Variants in PAPPA2 observed in about 807,000 individuals in gnomAD.
PAPPA2 encodes pappalysin-2.
A neutral mutation model predicts 176.4 loss-of-function variants in PAPPA2; 86 were observed. The observed-to-expected ratio is 0.49, with a 90% CI of 0.41 to 0.58. The LOEUF (loss-of-function observed/expected upper bound fraction) is 0.58, where lower values mean the gene tolerates loss of function less well. PAPPA2 is among the 20% of genes least tolerant of loss of function. PAPPA2 has a pLI of 0.00. For missense variants in PAPPA2, 2,073 were observed against 2,256.9 expected (o/e 0.92, Z 1.65); for synonymous variants, 809 against 852.2 (o/e 0.95, Z 0.88).
At chr1:176,482,070 A>G (rs180703924) in intron 1 of PAPPA2, among the ~76,000 whole-genome samples, 9 of 152,316 alleles carry the variant, frequency 5.9e-5, no homozygotes, top group African/African-American at 9.6e-5. Flanking sequence ...ATACCAAAAC[A>G]AAGAGTTTTT....
chr1:176,559,739 A>G lies in PAPPA2; in HGVS notation c.919+2498A>G, dbSNP rs543557094. 3.9e-5 allele frequency among the ~76,000 whole-genome samples: 6 copies of G among 152,316 alleles called. No homozygotes were observed. In the East Asian group the frequency reaches 1.2e-3, roughly 29 times the overall value. On this transcript the variant is annotated intron_variant, in intron 2 of 22. Coordinates refer to ENST00000367662, the MANE Select transcript of PAPPA2 (RefSeq NM_020318.3). ...ATCATGTCCCTGGGAGCCACATACA[A>G]TTCAGCAATTCTGCTGTTCCACTTG...
At chr1:176,709,893 GAGA>G in intron 10 of PAPPA2, 87 bp from the exon 11 acceptor site, 1 of 1,205,398 alleles carries the variant, frequency 8.3e-7, no homozygotes, top group South Asian at 1.5e-5. Context: ...CAGTGGGCTG[GAGA>G]AGAAGTGTTG....
intron 17 of PAPPA2, among the ~76,000 whole-genome samples, chr1:176,775,098 A>G (rs1210104255): frequency 1.3e-5 from 2 of 152,122 alleles, no homozygotes; most frequent in Non-Finnish European, 2.9e-5. Flanking sequence ...GACTCCTCTC[A>G]TAGGCTGCCA....
At position 176,789,935 on chromosome 1, in the gene PAPPA2, G is replaced by A; in HGVS notation, c.4842G>A (p.Leu1614=). 3.1e-6 allele frequency: 5 copies of A among 1,614,126 alleles called. No homozygotes were observed. Among genetic ancestry groups the A allele is most frequent in the Non-Finnish European group, 4.2e-6 (5 of 1,180,004 alleles). Reference sequence around the variant, plus strand: ...ATGAATGTACCAATGGCTTCAGCCTGGACAGCCAGTGTGTGCTCAACTGTA... The same window carrying A: ...ATGAATGTACCAATGGCTTCAGCCTAGACAGCCAGTGTGTGCTCAACTGTA... The part of the protein sequence containing the change: ...GMYECTNGFS[L]DSQCVLNCNQ... The change falls in exon 18 of 23, where the codon CTG becomes CTA. Residue 1614 remains leucine, a synonymous_variant. Coordinates refer to ENST00000367662, the MANE Select transcript of PAPPA2 (RefSeq NM_020318.3).
chr1:176,614,402 T>A (rs1208038911), intron 3 of PAPPA2, among the ~76,000 whole-genome samples: 1 of 152,208 alleles, frequency 6.6e-6, no homozygotes, highest in Non-Finnish European at 1.5e-5. Context: ...TCATCCTTGC[T>A]TGAAGCCTAT....
chr1:176,691,539 G>A (rs999370043), intron 5 of PAPPA2, among the ~76,000 whole-genome samples: 1 of 152,316 alleles, frequency 6.6e-6, no homozygotes, highest in East Asian at 1.9e-4. Context: ...GCTGAGTGAG[G>A]CAGTATTTGA....
At chr1:176,809,393 T>G (rs926361819) in intron 21 of PAPPA2, among the ~76,000 whole-genome samples, 3 of 152,220 alleles carry the variant, frequency 2.0e-5, no homozygotes, top group Non-Finnish European at 4.4e-5. Context: ...TTTTACACAT[T>G]TAGTAGTTGA....
chr1:176,736,730 G>A (rs1253971537), intron 12 of PAPPA2, among the ~76,000 whole-genome samples: 3 of 150,756 alleles, frequency 2.0e-5, no homozygotes, highest in African/African-American at 7.3e-5. Context: ...TACAGCAAAA[G>A]TAGATTTTTA....
intron 21 of PAPPA2, among the ~76,000 whole-genome samples, chr1:176,815,989 T>C (rs979956625): frequency 1.3e-5 from 2 of 151,610 alleles, no homozygotes; most frequent in Non-Finnish European, 2.9e-5. Context: ...AGGAACCTTC[T>C]TGTGGACAAA....
intron 4 of PAPPA2, among the ~76,000 whole-genome samples, chr1:176,687,339 G>C (rs920965470): frequency 6.6e-6 from 1 of 152,152 alleles, no homozygotes; most frequent in East Asian, 1.9e-4. Flanking sequence ...GAGGGGATTT[G>C]CTGGGAGTGT....
In PAPPA2 at chr1:176,740,095, C is replaced by A. The variant is rs746727736; in HGVS notation, c.4050C>A (p.Val1350=). Residue 1350 remains valine (V), a synonymous_variant, in exon 14 of 23, where the codon GTC becomes GTA. Transcript: ENST00000367662. ...SVLLNFSSPR[V]GISAVALRTS... is the part of the protein sequence containing the mutation. ...TGCTGAATTTCTCATCCCCACGGGT[C>A]GGCATCTCAGCTGTGGCTCTAAGGA... The A allele has an allele frequency of 6.2e-7, 1 of 1,613,930 alleles. No individual in the cohort carries two copies. Among genetic ancestry groups the A allele is most frequent in the Admixed American group, 1.7e-5 (1 of 59,974 alleles).
chr1:176,722,011 A>G (rs1274893139), intron 12 of PAPPA2, among the ~76,000 whole-genome samples: 1 of 152,140 alleles, frequency 6.6e-6, no homozygotes, highest in African/African-American at 2.4e-5. Flanking sequence ...TGCTCAATAT[A>G]ATCAGCAGTT....
intron 3 of PAPPA2, among the ~76,000 whole-genome samples, chr1:176,660,079 C>T (rs879915560): frequency 5.9e-5 from 9 of 152,072 alleles, no homozygotes; most frequent in Non-Finnish European, 1.3e-4. Flanking sequence ...GCCAGATTTT[C>T]CTCCTTTTTA....
In PAPPA2 at chr1:176,556,245, C is replaced by T; in HGVS notation, c.-78C>T. On this transcript the variant is annotated 5_prime_UTR_variant, in exon 2 of 23. Coordinates refer to ENST00000367662, the MANE Select transcript of PAPPA2 (RefSeq NM_020318.3). ...TGACTGCAAATCCATTGCTAGCTGC[C>T]TCTTTCTCGTCTGCCCATCACTCTG... The T allele has an allele frequency of 1.4e-6, 2 of 1,468,444 alleles. No individual in the cohort carries two copies. The highest frequency in any genetic ancestry group is 1.8e-6 in the Non-Finnish European group (2 of 1,089,154). 91.0% of individuals were successfully genotyped at this position (1,468,444 alleles called of 1,614,324 possible). A position where few individuals can be genotyped will look rare whatever the true frequency, so the allele number is the denominator to read the frequency against.
At chr1:176,840,664 T>C (rs1419956712) in intron 22 of PAPPA2, among the ~76,000 whole-genome samples, 1 of 152,132 alleles carries the variant, frequency 6.6e-6, no homozygotes, top group African/African-American at 2.4e-5. Context: ...TTATATAGTG[T>C]GTTACAAGCA....
intron 21 of PAPPA2, among the ~76,000 whole-genome samples, chr1:176,809,321 G>C (rs575372896): frequency 6.6e-6 from 1 of 152,282 alleles, no homozygotes; most frequent in East Asian, 1.9e-4. Context: ...TGGGGCCTTG[G>C]GACAAATTTA....
At chr1:176,799,171 C>T (rs1316602198) in intron 20 of PAPPA2, among the ~76,000 whole-genome samples, 1 of 152,144 alleles carries the variant, frequency 6.6e-6, no homozygotes, top group Non-Finnish European at 1.5e-5. Flanking sequence ...GGGTTGGTAG[C>T]AGGCTATGGA....
intron 2 of PAPPA2, among the ~76,000 whole-genome samples, chr1:176,568,113 A>G (rs150379804): frequency 6.6e-6 from 1 of 152,340 alleles, no homozygotes; most frequent in Non-Finnish European, 1.5e-5. Flanking sequence ...AGATGTCAGA[A>G]GTAGATATGG....
At chr1:176,554,587 CA>C (rs1443900931) in intron 1 of PAPPA2, among the ~76,000 whole-genome samples, 1 of 152,176 alleles carries the variant, frequency 6.6e-6, no homozygotes, top group African/African-American at 2.4e-5. Context: ...CATTTCAAAT[CA>C]ATTGGAAACA....
Sources: allele counts gnomAD v4.1 joint callset (sites outside exome capture counted in the v4.1 genomes callset), GRCh38; gene constraint gnomAD v4.1.1; transcripts MANE v1.5; gene names NCBI Gene and HGNC (gene_info 2026-07-23, HGNC 2026-07-21).